SPAG16: variants seen among roughly 807,000 people sequenced by gnomAD.
SPAG16 encodes sperm-associated antigen 16 protein.
Under a neutral mutation model 80.4 loss-of-function variants are expected in SPAG16, and 86 were observed. The ratio of observed to expected loss-of-function variants is 1.07; its 90% CI spans 0.90 to 1.28. The LOEUF is 1.28. Ranked by LOEUF, SPAG16 falls within the 50% of genes most tolerant of loss-of-function variation. The probability of loss-of-function intolerance (pLI) is 0.00; values close to 1 mark genes in which losing one functional copy is unlikely to be tolerated. For synonymous variants in SPAG16, 294 were observed against 265.9 expected, an observed-to-expected ratio of 1.11 and a Z score of -1.03; for missense variants, 870 against 765.3, an observed-to-expected ratio of 1.14 and a Z score of -1.61.
At chr2:214,047,343 G>A (rs1476727510) in intron 13 of SPAG16, among the ~76,000 whole-genome samples, 1 of 152,006 alleles carries the variant, frequency 6.6e-6, no homozygotes, top group African/African-American at 2.4e-5. Flanking sequence ...ATAAAAGCAG[G>A]TACATAGACC....
At chr2:214,195,307 A>AGATAGATAGATAGATAGATT (rs1434402161) in intron 15 of SPAG16, among the ~76,000 whole-genome samples, 1 of 151,336 alleles carries the variant, frequency 6.6e-6, no homozygotes, top group Non-Finnish European at 1.5e-5. Flanking sequence ...GAGAGATGAT[A>AGATAGATAGATAGATAGATT]GATAGATAGA....
chr2:213,309,942 T>C, intron 3 of SPAG16, 117 bp from the exon 4 acceptor site: 1 of 631,142 alleles, frequency 1.6e-6, no homozygotes, highest in East Asian at 2.8e-5. Context: ...CATATAACAG[T>C]CAACAAACAT....
chr2:213,862,677 C>G (rs576886044), intron 11 of SPAG16, 49 bp downstream of exon 11: 1 of 1,586,488 alleles, frequency 6.3e-7, no homozygotes, highest in East Asian at 2.3e-5. Flanking sequence ...TAGGAATGTG[C>G]TCCTTTACTC....
intron 10 of SPAG16, among the ~76,000 whole-genome samples, chr2:213,800,924 A>G (rs527493858): frequency 3.7e-4 from 56 of 152,356 alleles, no homozygotes; most frequent in African/African-American, 1.3e-3. Flanking sequence ...TCAAAAAGCA[A>G]TGAAACTCAA....
At chr2:214,408,015 G>A (rs1702095324) in intron 15 of SPAG16, among the ~76,000 whole-genome samples, 1 of 152,050 alleles carries the variant, frequency 6.6e-6, no homozygotes, top group Non-Finnish European at 1.5e-5. Flanking sequence ...TAATAAATTT[G>A]CTGACCAAAA....
chr2:213,516,856 G>GA (rs763699974), intron 10 of SPAG16, among the ~76,000 whole-genome samples: 1 of 151,982 alleles, frequency 6.6e-6, no homozygotes, highest in Non-Finnish European at 1.5e-5. Flanking sequence ...GGAAAAAATA[G>GA]AAAAAAGTTT....
chr2:213,374,048 A>G (rs949683615), intron 8 of SPAG16, among the ~76,000 whole-genome samples: 4 of 152,160 alleles, frequency 2.6e-5, no homozygotes, highest in Non-Finnish European at 5.9e-5. Flanking sequence ...GAGGACAGGC[A>G]GTTTGGACAC....
intron 3 of SPAG16, among the ~76,000 whole-genome samples, chr2:213,301,050 C>T (rs1157290918): frequency 6.6e-6 from 1 of 152,044 alleles, no homozygotes; most frequent in Non-Finnish European, 1.5e-5. Context: ...TGTGGCTATA[C>T]CATTACTTTT....
intron 15 of SPAG16, among the ~76,000 whole-genome samples, chr2:214,335,883 C>T (rs1028668546): frequency 1.3e-4 from 19 of 151,406 alleles, no homozygotes; most frequent in East Asian, 3.9e-4. Context: ...CTCAGCCTCC[C>T]GAGTAGCTGG....
At chr2:213,647,445 T>A (rs551175709) in intron 10 of SPAG16, among the ~76,000 whole-genome samples, 2 of 152,186 alleles carry the variant, frequency 1.3e-5, no homozygotes, top group Admixed American at 6.5e-5. Context: ...TATTATTTTA[T>A]TTTGCTCATT....
intron 13 of SPAG16, among the ~76,000 whole-genome samples, chr2:214,082,617 G>A (rs944301160): frequency 1.3e-5 from 2 of 152,064 alleles, no homozygotes; most frequent in Non-Finnish European, 2.9e-5. Flanking sequence ...CAGATACAGT[G>A]GTTCTCAACT....
intron 15 of SPAG16, among the ~76,000 whole-genome samples, chr2:214,330,736 G>A (rs530018452): frequency 6.6e-6 from 1 of 152,288 alleles, no homozygotes; most frequent in African/African-American, 2.4e-5. Flanking sequence ...TCAGCTGAGG[G>A]CTATTCCTGA....
intron 14 of SPAG16, among the ~76,000 whole-genome samples, chr2:214,132,082 C>T (rs746662469): frequency 1.3e-5 from 2 of 152,122 alleles, no homozygotes; most frequent in African/African-American, 4.8e-5. Flanking sequence ...CTTAATTTTG[C>T]TCAGAACCTA....
At chr2:213,661,984 G>C (rs989501294) in intron 10 of SPAG16, among the ~76,000 whole-genome samples, 2 of 152,058 alleles carry the variant, frequency 1.3e-5, no homozygotes, top group African/African-American at 4.8e-5. Context: ...TGTGAGTTAT[G>C]TTTCCAGGAT....
intron 9 of SPAG16, among the ~76,000 whole-genome samples, chr2:213,485,907 G>T (rs1559180503): frequency 6.6e-6 from 1 of 151,976 alleles, no homozygotes; most frequent in Admixed American, 6.5e-5. Flanking sequence ...CCTAACTGAT[G>T]TATTACTCAA....
rs373860577 is a variant in SPAG16 at position 213,664,314 on chromosome 2, T to A, written c.1070+174224T>A. On this transcript the variant is annotated intron_variant, in intron 10 of 15. Transcript: ENST00000331683. The stretch of plus-strand genomic sequence containing the variant: ...TTGTGTCATGTAAGGTAACATTATT[T>A]ATAGGTTCCTGGAATTAGGATGTGA... Among the ~76,000 whole-genome samples the A allele has an allele frequency of 8.6e-4, 131 of 152,156 alleles. 3 individuals are homozygous for A. The South Asian group carries it at 0.027, about 31-fold the overall frequency.
At chr2:213,339,006 C>G (rs577167416) in intron 5 of SPAG16, among the ~76,000 whole-genome samples, 1 of 140,538 alleles carries the variant, frequency 7.1e-6, no homozygotes, top group African/African-American at 2.7e-5. Flanking sequence ...TCACAACTTG[C>G]ACCTGTGCCC....
intron 4 of SPAG16, 92 bp downstream of exon 4, chr2:213,310,269 G>T (rs530267214): frequency 2.5e-6 from 2 of 803,670 alleles, no homozygotes; most frequent in South Asian, 1.9e-5. Context: ...AAATGACTCA[G>T]CCTATGAAAA....
intron 15 of SPAG16, among the ~76,000 whole-genome samples, chr2:214,368,552 T>G (rs1052672616): frequency 2.6e-5 from 4 of 152,236 alleles, no homozygotes; most frequent in Admixed American, 2.6e-4. Flanking sequence ...CACCCTGTTT[T>G]GAAGCAAAAT....
Sources: allele counts gnomAD v4.1 joint callset (sites outside exome capture counted in the v4.1 genomes callset), GRCh38; gene constraint gnomAD v4.1.1; transcripts MANE v1.5; gene names NCBI Gene and HGNC (gene_info 2026-07-23, HGNC 2026-07-21).